The following GALNT11 variants were observed in gnomAD, a reference collection of about 807,000 sequenced individuals.
GALNT11 encodes the protein polypeptide N-acetylgalactosaminyltransferase 11, also known as UDP-GalNAc:polypeptide N-acetylgalactosaminyltransferase 11.
A neutral mutation model predicts 72.7 loss-of-function variants in GALNT11; 47 were observed. The observed-to-expected ratio is 0.65, with a 90% CI of 0.51 to 0.82. The LOEUF (loss-of-function observed/expected upper bound fraction) is 0.82. Ranked by LOEUF, GALNT11 falls within the 40% of genes least tolerant of loss-of-function variation. The probability of loss-of-function intolerance (pLI) is 0.00; values close to 1 mark genes in which losing one functional copy is unlikely to be tolerated. For synonymous variants in GALNT11, 270 were observed against 286.6 expected (o/e 0.94, Z 0.58); for missense variants, 677 against 778.4 (o/e 0.87, Z 1.55).
At chr7:152,084,380 T>TAAAAA (rs11447244) in intron 1 of GALNT11, among the ~76,000 whole-genome samples, 1 of 105,330 alleles carries the variant, frequency 9.5e-6, no homozygotes, top group African/African-American at 3.8e-5. Context: ...CCTGTCTCTT[T>TAAAAA]AAAAAAAAAA....
At chr7:152,110,757 G>A (rs1001524040) in intron 7 of GALNT11, 112 bp downstream of exon 7, 1 of 828,028 alleles carries the variant, frequency 1.2e-6, no homozygotes, top group Admixed American at 2.4e-5. Flanking sequence ...TCGAGATAGG[G>A]TCTTTCTCTG....
intron 7 of GALNT11, among the ~76,000 whole-genome samples, chr7:152,112,678 T>C (rs1222147470): frequency 1.3e-5 from 2 of 152,112 alleles, no homozygotes; most frequent in African/African-American, 4.8e-5. Flanking sequence ...GATAAGGCAA[T>C]CTAATCCCAC....
intron 1 of GALNT11, among the ~76,000 whole-genome samples, chr7:152,079,665 T>C (rs1434736216): frequency 6.6e-6 from 1 of 152,248 alleles, no homozygotes; most frequent in African/African-American, 2.4e-5. Context: ...GCAATCGCCT[T>C]ATGTGTAATT....
intron 5 of GALNT11, among the ~76,000 whole-genome samples, chr7:152,105,731 A>G (rs1212182961): frequency 1.3e-5 from 2 of 152,254 alleles, no homozygotes; most frequent in African/African-American, 4.8e-5. Context: ...TTTAAAATGT[A>G]TGAACCCAAA....
intron 1 of GALNT11, among the ~76,000 whole-genome samples, chr7:152,057,402 G>A (rs919902416): frequency 3.3e-5 from 5 of 151,484 alleles, no homozygotes; most frequent in Admixed American, 1.3e-4. Flanking sequence ...TGCCTCCCAG[G>A]TTTGAGCTAT....
intron 1 of GALNT11, among the ~76,000 whole-genome samples, chr7:152,065,903 G>A (rs1434300822): frequency 6.6e-6 from 1 of 152,226 alleles, no homozygotes; most frequent in African/African-American, 2.4e-5. Context: ...CTCACTTGAG[G>A]AGGCAGTCTG....
intron 11 of GALNT11, 51 bp downstream of exon 11, chr7:152,121,019 G>C (rs2089376056): frequency 1.3e-6 from 2 of 1,581,078 alleles, no homozygotes; most frequent in Admixed American, 1.9e-5. Flanking sequence ...CCACAAGGTT[G>C]AGTGAGGGAG....
intron 1 of GALNT11, among the ~76,000 whole-genome samples, chr7:152,091,494 C>T (rs2086037018): frequency 6.6e-6 from 1 of 152,140 alleles, no homozygotes; most frequent in East Asian, 1.9e-4. Context: ...CCCACCTCGG[C>T]TTCCCAAAGT....
chr7:152,091,990 A>G (rs1165424200), intron 1 of GALNT11, among the ~76,000 whole-genome samples: 1 of 152,188 alleles, frequency 6.6e-6, no homozygotes, highest in Non-Finnish European at 1.5e-5. Context: ...GGAAGCGGGA[A>G]GGCCGGGAGT....
intron 3 of GALNT11, among the ~76,000 whole-genome samples, chr7:152,101,718 C>A (rs2086927025): frequency 6.6e-6 from 1 of 151,738 alleles, no homozygotes; most frequent in South Asian, 2.1e-4. Flanking sequence ...ACTATAACCT[C>A]CACCTCCCAA....
At chr7:152,112,147 C>G (rs2088291993) in intron 7 of GALNT11, among the ~76,000 whole-genome samples, 1 of 152,214 alleles carries the variant, frequency 6.6e-6, no homozygotes, top group Non-Finnish European at 1.5e-5. Flanking sequence ...CCAACCATCT[C>G]CTAGTCCAGT....
At chr7:152,062,941 C>T (rs965318144) in intron 1 of GALNT11, among the ~76,000 whole-genome samples, 2 of 152,074 alleles carry the variant, frequency 1.3e-5, no homozygotes, top group African/African-American at 2.4e-5. Context: ...TTTGTTGTGT[C>T]TCTGCCAAGC....
intron 1 of GALNT11, among the ~76,000 whole-genome samples, chr7:152,030,528 T>A (rs1046734108): frequency 2.6e-5 from 4 of 152,244 alleles, no homozygotes; most frequent in African/African-American, 9.6e-5. Context: ...TTATTTTATA[T>A]ATTTTATACT....
intron 1 of GALNT11, among the ~76,000 whole-genome samples, chr7:152,059,076 C>G (rs2083856450): frequency 6.6e-6 from 1 of 152,036 alleles, no homozygotes; most frequent in Non-Finnish European, 1.5e-5. Flanking sequence ...ATATTTTGAC[C>G]TCCTCGAATG....
chr7:152,121,646 C>A lies in GALNT11; in HGVS notation c.1796C>A (p.Ser599Tyr). ...GSVAMAICDG[S>Y]SSQQWHLEG ...GTCGCCATGGCGATCTGCGATGGCT[C>A]CTCTTCACAGCAGTGGCATTTGGAA... is the stretch of plus-strand genomic sequence containing the variant. Residue 599 changes from serine (S) to tyrosine (Y), a missense_variant, in exon 12 of 12, where the codon TCC becomes TAC. Ser to Tyr is a moderately radical substitution (Grantham distance 144). Coordinates refer to ENST00000430044, the MANE Select transcript of GALNT11 (RefSeq NM_022087.4). The A allele has an allele frequency of 6.2e-7, 1 of 1,614,144 alleles. No individual in the cohort carries two copies. Among genetic ancestry groups the A allele is most frequent in the African/African-American group, 1.3e-5 (1 of 75,040 alleles).
chr7:152,105,227 G>T lies in GALNT11; in HGVS notation c.587-18G>T. On this transcript the variant is annotated intron_variant, in intron 4 of 11. Coordinates refer to ENST00000430044, the MANE Select transcript of GALNT11 (RefSeq NM_022087.4). ...TATGTCTCATACAGTTTGAATAATT[G>T]TGGGACTTTATTTTCAGATGATTTG... The T allele has an allele frequency of 6.2e-7, 1 of 1,610,592 alleles. No homozygotes were observed. Among genetic ancestry groups the T allele is most frequent in the Non-Finnish European group, 8.5e-7 (1 of 1,178,598 alleles).
At chr7:152,086,326 T>C (rs1587259330) in intron 1 of GALNT11, among the ~76,000 whole-genome samples, 1 of 152,222 alleles carries the variant, frequency 6.6e-6, no homozygotes, top group Non-Finnish European at 1.5e-5. Flanking sequence ...CGCCCAGCCC[T>C]AACTTCTTGA....
chr7:152,109,039 G>A (rs933028080), intron 6 of GALNT11, among the ~76,000 whole-genome samples: 1 of 152,194 alleles, frequency 6.6e-6, no homozygotes, highest in East Asian at 1.9e-4. Flanking sequence ...CAACAATATT[G>A]TATATTGTTA....
chr7:152,065,297 G>A (rs1035982494), intron 1 of GALNT11, among the ~76,000 whole-genome samples: 1 of 152,142 alleles, frequency 6.6e-6, no homozygotes, highest in African/African-American at 2.4e-5. Context: ...ATGGTTTTCA[G>A]CTCCATCAGG....
Sources: allele counts gnomAD v4.1 joint callset (sites outside exome capture counted in the v4.1 genomes callset), GRCh38; gene constraint gnomAD v4.1.1; transcripts MANE v1.5; gene names NCBI Gene and HGNC (gene_info 2026-07-23, HGNC 2026-07-21).